Variants in CMTM4 observed in about 807,000 individuals in gnomAD.
CMTM4 encodes the protein CKLF-like MARVEL transmembrane domain-containing protein 4.
In CMTM4, 8 loss-of-function variants were observed where a neutral mutation model predicts 19.0. That is an observed-to-expected ratio of 0.42 (90% confidence interval 0.25 to 0.76). The LOEUF (loss-of-function observed/expected upper bound fraction) is 0.76, where lower values mean the gene tolerates loss of function less well. Among genes scored for constraint, CMTM4 ranks in the 30% least tolerant of loss-of-function variants. The pLI, the probability that CMTM4 is intolerant of heterozygous loss-of-function variation, is 0.27. For synonymous variants in CMTM4, 106 were observed against 121.1 expected (o/e 0.88, Z 0.82); for missense variants, 228 against 290.2 (o/e 0.79, Z 1.56).
chr16:66,696,327 G>A lies in CMTM4; in HGVS notation c.186+13C>T, dbSNP rs758898239. The A allele has an allele frequency of 2.2e-6, 3 of 1,375,726 alleles. No individual in the cohort carries two copies. Among genetic ancestry groups the A allele is most frequent in the Admixed American group, 6.4e-5 (2 of 31,226 alleles). 85.2% of individuals were successfully genotyped at this position (1,375,726 alleles called of 1,614,324 possible). On this transcript the variant is annotated intron_variant, in intron 1 of 3. Transcript: ENST00000394106. This position sits in a 1 kb window ranked among gnomAD's most constrained non-coding sequence, Gnocchi z 4.3. ...GCCGCCCTCGGGCACCTGGGGCCCC[G>A]CCCGGCACCTACCACTTGGGCGACC... is the stretch of plus-strand genomic sequence containing the variant.
chr16:66,680,541 A>AGGTG (rs2016891902), intron 1 of CMTM4, among the ~76,000 whole-genome samples: 2 of 151,586 alleles, frequency 1.3e-5, no homozygotes, highest in African/African-American at 2.4e-5. Flanking sequence ...TCGGGAGGCC[A>AGGTG]AGGCGGGCAG....
chr16:66,643,316 C>T lies in CMTM4; in HGVS notation c.187-6735G>A, dbSNP rs781304808. Among the ~76,000 whole-genome samples the T allele has an allele frequency of 8.5e-5, 13 of 152,274 alleles. No individual in the cohort carries two copies. In the East Asian group the frequency reaches 1.9e-3, roughly 23 times the overall value. On this transcript the variant is annotated intron_variant, in intron 1 of 3. Coordinates refer to ENST00000394106, the MANE Select transcript of CMTM4 (RefSeq NM_181521.3). ...CCGGTTCCACGTGTGGTTAAGCTAC[C>T]GTAGCACTCCCAGTGGAGGAATGGC...
chr16:66,693,393 A>C (rs2017173555), intron 1 of CMTM4, among the ~76,000 whole-genome samples: 2 of 152,202 alleles, frequency 1.3e-5, no homozygotes, highest in South Asian at 4.1e-4. Flanking sequence ...GATTTTTAAA[A>C]GTCAAATTTT....
chr16:66,606,525 C>A, the CMTM4 span, among the ~76,000 whole-genome samples: 1 of 152,166 alleles, frequency 6.6e-6, no homozygotes, highest in Non-Finnish European at 1.5e-5. Flanking sequence ...GGGATCCCTG[C>A]AGTTCATTTG....
Position 66,696,263 on chromosome 16 carries a change from A to T in CMTM4, c.186+77T>A. ...GCCTGGGCAAGCGGGTACGCGGCGG[A>T]GGCCCCGCAGCGGGGCGGGGAGGGA... On this transcript the variant is annotated intron_variant, in intron 1 of 3. Coordinates refer to ENST00000394106, the MANE Select transcript of CMTM4 (RefSeq NM_181521.3). This position sits in a 1 kb window ranked among gnomAD's most constrained non-coding sequence, Gnocchi z 4.3. 9.6e-7 allele frequency: 1 copy of T among 1,043,194 alleles called. No homozygotes were observed. The highest frequency in any genetic ancestry group is 3.2e-5 in the South Asian group (1 of 31,680). The allele number at this position is 1,043,194 out of a possible 1,614,324, so 64.6% of individuals were successfully genotyped here. A position where few individuals can be genotyped will look rare whatever the true frequency, so the allele number is the denominator to read the frequency against.
At chr16:66,641,977 T>C (rs1810857099) in intron 1 of CMTM4, among the ~76,000 whole-genome samples, 1 of 152,210 alleles carries the variant, frequency 6.6e-6, no homozygotes, top group Non-Finnish European at 1.5e-5. Flanking sequence ...GATACATAAA[T>C]ACACACATAT....
chr16:66,683,142 T>C (rs1256825885), intron 1 of CMTM4, among the ~76,000 whole-genome samples: 10 of 131,672 alleles, frequency 7.6e-5, no homozygotes, highest in East Asian at 4.6e-4. Context: ...TATATATATA[T>C]ATATGTATAT....
rs2017226627 is a variant in CMTM4 at position 66,696,009 on chromosome 16, GGA to G, written c.186+329_186+330del. On this transcript the variant is annotated intron_variant, in intron 1 of 3. Transcript: ENST00000394106. This position sits in a 1 kb window ranked among gnomAD's most constrained non-coding sequence, Gnocchi z 4.3. ...AGGTTGCTAAGACCAGCTGTACCCA[GGA>G]GACAGCAGGATTCCCAGCAGCACCC... is the stretch of plus-strand genomic sequence containing the variant. Among the ~76,000 whole-genome samples, 1 of 152,222 alleles carries G rather than the reference GGA, an allele frequency of 6.6e-6. No homozygotes were observed. Among genetic ancestry groups the G allele is most frequent in the Non-Finnish European group, 1.5e-5 (1 of 68,038 alleles).
chr16:66,662,700 G>C (rs1318864053), intron 1 of CMTM4, among the ~76,000 whole-genome samples: 1 of 152,046 alleles, frequency 6.6e-6, no homozygotes, highest in Non-Finnish European at 1.5e-5. Context: ...CTAGGACATG[G>C]ACACAGCTGT....
At chr16:66,668,788 CA>C (rs2016651106) in intron 1 of CMTM4, among the ~76,000 whole-genome samples, 1 of 152,038 alleles carries the variant, frequency 6.6e-6, no homozygotes, top group South Asian at 2.1e-4. Flanking sequence ...ATTAATTTCT[CA>C]TCTGCGTCAA....
intron 1 of CMTM4, among the ~76,000 whole-genome samples, chr16:66,689,950 C>T (rs941653446): frequency 2.0e-5 from 3 of 152,094 alleles, no homozygotes; most frequent in Admixed American, 6.6e-5. Flanking sequence ...AACACATGTA[C>T]GCTCTACATT....
intron 1 of CMTM4, among the ~76,000 whole-genome samples, chr16:66,669,786 C>T (rs565637493): frequency 7.4e-4 from 113 of 152,168 alleles, no homozygotes; most frequent in African/African-American, 2.6e-3. Context: ...CCTTGTGATC[C>T]ACCCACCTCG....
chr16:66,659,217 A>C (rs951587572), intron 1 of CMTM4, among the ~76,000 whole-genome samples: 3 of 152,102 alleles, frequency 2.0e-5, no homozygotes, highest in Non-Finnish European at 4.4e-5. Context: ...ACTACTAAAA[A>C]TACAAAAATT....
In CMTM4 at chr16:66,620,253, A is replaced by C; in HGVS notation, c.*1805T>G. 1 of 985,394 alleles carries C rather than the reference A, an allele frequency of 1.0e-6. No homozygotes were observed. 61.0% of individuals were successfully genotyped at this position (985,394 alleles called of 1,614,324 possible). ...TCAAAGAGAGATAAGCCCAATTTTG[A>C]CTTTGCAAACACACTCAACAGACCT... is the stretch of plus-strand genomic sequence containing the variant. On this transcript the variant is annotated 3_prime_UTR_variant, in exon 4 of 4. Coordinates refer to ENST00000394106, the MANE Select transcript of CMTM4 (RefSeq NM_181521.3).
At chr16:66,651,246 G>A (rs165202) in intron 1 of CMTM4, among the ~76,000 whole-genome samples, 1 of 151,968 alleles carries the variant, frequency 6.6e-6, no homozygotes, top group East Asian at 1.9e-4. Flanking sequence ...AAGCCTCTCC[G>A]CACCATCTTT....
chr16:66,627,195 G>T (rs938134965), intron 2 of CMTM4, among the ~76,000 whole-genome samples: 1 of 152,146 alleles, frequency 6.6e-6, no homozygotes, highest in African/African-American at 2.4e-5. Flanking sequence ...CAATAAAATG[G>T]TATTTCCATA....
intron 1 of CMTM4, among the ~76,000 whole-genome samples, chr16:66,642,758 C>T (rs1423307114): frequency 6.6e-6 from 1 of 152,106 alleles, no homozygotes; most frequent in Non-Finnish European, 1.5e-5. Flanking sequence ...TTGATATTAA[C>T]AGGTTGTCAG....
At position 66,661,981 on chromosome 16, in the gene CMTM4, AAAAC is replaced by A. The variant is rs913366198; in HGVS notation, c.187-25404_187-25401del. Among the ~76,000 whole-genome samples, 4 of 152,238 alleles carry A rather than the reference AAAAC, an allele frequency of 2.6e-5. No individual in the cohort carries two copies. In the East Asian group the frequency reaches 5.8e-4, roughly 22 times the overall value. ...TAAAACATTTCCTTACTACAAAAAC[AAAAC>A]AAACAAAAAACCAAAACACCATGCC... is the stretch of plus-strand genomic sequence containing the variant. On this transcript the variant is annotated intron_variant, in intron 1 of 3. Coordinates refer to ENST00000394106, the MANE Select transcript of CMTM4 (RefSeq NM_181521.3).
intron 1 of CMTM4, among the ~76,000 whole-genome samples, chr16:66,648,004 T>C (rs935097946): frequency 6.6e-6 from 1 of 152,244 alleles, no homozygotes; most frequent in African/African-American, 2.4e-5. Context: ...ACAGCTGTCA[T>C]TAGGGTTGTA....
Sources: allele counts gnomAD v4.1 joint callset (sites outside exome capture counted in the v4.1 genomes callset), GRCh38; gene constraint gnomAD v4.1.1; non-coding constraint Gnocchi (gnomAD v3.1); transcripts MANE v1.5; gene names NCBI Gene and HGNC (gene_info 2026-07-23, HGNC 2026-07-21).